Variants in PATL1 observed in about 807,000 individuals in gnomAD.
PATL1 encodes the protein PAT1 homolog 1, processing body mRNA decay factor.
Under a neutral mutation model 100.6 loss-of-function variants are expected in PATL1, and 32 were observed. The ratio of observed to expected loss-of-function variants is 0.32; its 90% confidence interval spans 0.24 to 0.43. The LOEUF (loss-of-function observed/expected upper bound fraction) is 0.43, where lower values mean the gene tolerates loss of function less well. Among genes scored for constraint, PATL1 ranks in the 20% least tolerant of loss-of-function variants. PATL1 has a pLI of 1.00. For missense variants in PATL1, 747 were observed against 949.9 expected, an observed-to-expected ratio of 0.79 and a Z score of 2.81; for synonymous variants, 332 against 330.0, an observed-to-expected ratio of 1.01 and a Z score of -0.07.
intron 16 of PATL1, among the ~76,000 whole-genome samples, chr11:59,642,183 TA>T (rs1355463476): frequency 6.6e-6 from 1 of 152,204 alleles, no homozygotes; most frequent in Non-Finnish European, 1.5e-5. Context: ...AGGGAAGGAC[TA>T]AAAATTCATA....
Position 59,655,677 on chromosome 11 carries a change from G to A in PATL1, c.877C>T (p.Leu293Phe), listed in dbSNP as rs183877144. 5.5e-3 allele frequency: 8,870 copies of A among 1,605,500 alleles called. 30 individuals carry two copies. Among genetic ancestry groups the A allele is most frequent in the Middle Eastern group, 0.015 (90 of 6,054 alleles). ...ARVPGFVGSP[L>F]AAMNPKLLQG... is the part of the protein sequence containing the mutation. ...AGCAACTTGGGATTCATGGCAGCAA[G>A]TGGACTACCAACAAATCCAGGGACC... is the stretch of plus-strand genomic sequence containing the variant. The change falls in exon 8 of 19, where the codon CTT (leucine) becomes TTT (phenylalanine). Residue 293 changes from leucine (L) to phenylalanine (F), a missense_variant. Leu to Phe is a conservative substitution (Grantham distance 22, BLOSUM62 0). Coordinates refer to ENST00000300146, the MANE Select transcript of PATL1 (RefSeq NM_152716.3).
chr11:59,655,448 G>C (rs1861514099), intron 8 of PATL1, 75 bp downstream of exon 8: 1 of 1,272,240 alleles, frequency 7.9e-7, no homozygotes, highest in South Asian at 1.6e-5. Context: ...AATATCAAGA[G>C]ACTTATAAAA....
At chr11:59,643,353 A>G (rs1304164564) in intron 15 of PATL1, among the ~76,000 whole-genome samples, 1 of 152,090 alleles carries the variant, frequency 6.6e-6, no homozygotes, top group Non-Finnish European at 1.5e-5. Flanking sequence ...ACACTACACC[A>G]TGGGCTAAAA....
At position 59,653,001 on chromosome 11, in the gene PATL1, T is replaced by C. The variant is rs767019714; in HGVS notation, c.1139A>G (p.Asn380Ser). The C allele has an allele frequency of 2.1e-5, 34 of 1,612,188 alleles. 1 individual carries two copies. Among genetic ancestry groups the C allele is most frequent in the East Asian group, 4.5e-5 (2 of 44,880 alleles). ...GTGACTTCCTCTATCTCCCGCACCA[T>C]TGAGATTCCGATGCTGACTGAAAAA... ...QQNRSQHRNLNGAGDRGSHRS... is the reference protein window; with the variant it reads ...QQNRSQHRNLSGAGDRGSHRS... The change falls in exon 10 of 19, where the codon AAT (asparagine) becomes AGT (serine). Residue 380 changes from asparagine to serine, a missense_variant. Asn to Ser is a conservative substitution (Grantham distance 46). Around this residue, in one of 4 missense-constraint regions of PATL1, gnomAD observed 434 missense variants for 596.1 expected, o/e 0.73. Transcript: ENST00000300146.
chr11:59,654,196 G>T, intron 8 of PATL1, 124 bp from the exon 9 acceptor site: 1 of 812,290 alleles, frequency 1.2e-6, no homozygotes, highest in Non-Finnish European at 2.0e-6. Context: ...GTCTATTCGG[G>T]ATGGGTGCGG....
In PATL1 at chr11:59,639,181, T is replaced by C; in HGVS notation, c.2158A>G (p.Met720Val). ...QNNQWTEVMFMATRELLRIPQ... is the reference protein window; with the variant it reads ...QNNQWTEVMFVATRELLRIPQ... ...ATCCGCAGAAGTTCTCGTGTTGCCA[T>C]GAACATCACCTCCGTCCTGACAGGG... The change falls in exon 18 of 19, where the codon ATG becomes GTG. Residue 720 changes from methionine (M) to valine (V), a missense_variant. Coordinates refer to ENST00000300146, the MANE Select transcript of PATL1 (RefSeq NM_152716.3). 1 of 1,613,956 alleles carries C rather than the reference T, an allele frequency of 6.2e-7. No homozygotes were observed. Among genetic ancestry groups the C allele is most frequent in the Non-Finnish European group, 8.5e-7 (1 of 1,179,876 alleles).
At chr11:59,658,749 C>T (rs900689469) in intron 4 of PATL1, 117 bp downstream of exon 4, 9 of 737,228 alleles carry the variant, frequency 1.2e-5, no homozygotes, top group South Asian at 1.9e-5. Context: ...ATGCAGTAGT[C>T]GACATAATTC....
In PATL1 at chr11:59,652,477, G is replaced by A. The variant is rs767659762; in HGVS notation, c.1413C>T (p.His471=). The A allele has an allele frequency of 1.7e-5, 28 of 1,612,936 alleles. No individual in the cohort carries two copies. Among genetic ancestry groups the A allele is most frequent in the African/African-American group, 4.0e-5 (3 of 74,836 alleles). The change falls in exon 11 of 19, where the codon CAC becomes CAT. Residue 471 remains histidine, a synonymous_variant. Coordinates refer to ENST00000300146, the MANE Select transcript of PATL1 (RefSeq NM_152716.3). ...TGAGGACCTTACCTGGCTTATAGGC[G>A]TGCTCCAGTTTGGCCACCTGAGGGG... ...LITPQVAKLE[H]AYKPVQFEGS...
chr11:59,642,727 G>T, intron 16 of PATL1, 153 bp downstream of exon 16: 1 of 796,304 alleles, frequency 1.3e-6, no homozygotes. Context: ...TGAAAACACT[G>T]TTATTTCTAG....
rs576516598 is a variant in PATL1 at position 59,652,720 on chromosome 11, T to C, written c.1302+118A>G. On this transcript the variant is annotated intron_variant, in intron 10 of 18. Transcript: ENST00000300146. ...TATACTGATAGTGAATAGTGCAAGA[T>C]GCTAAGTACCTCAAAAGAAAATTTT... 19 of 1,501,928 alleles carry C rather than the reference T, an allele frequency of 1.3e-5. No homozygotes were observed. In the Admixed American group the frequency reaches 1.4e-4, roughly 11 times the overall value. The allele number at this position is 1,501,928 out of a possible 1,614,324, so 93.0% of individuals were successfully genotyped here.
chr11:59,649,751 A>C, intron 13 of PATL1, 141 bp from the exon 14 acceptor site: 1 of 876,200 alleles, frequency 1.1e-6, no homozygotes, highest in Non-Finnish European at 1.7e-6. Flanking sequence ...TAATGTAGAA[A>C]ACCATATGAA....
At chr11:59,663,104 G>T (rs1038898707) in intron 2 of PATL1, among the ~76,000 whole-genome samples, 1 of 152,028 alleles carries the variant, frequency 6.6e-6, no homozygotes, top group African/African-American at 2.4e-5. Flanking sequence ...TAAAAATATA[G>T]TTACTTAGAT....
intron 4 of PATL1, among the ~76,000 whole-genome samples, chr11:59,658,174 A>AAAAG (rs113441254): frequency 0.16 from 24,360 of 150,446 alleles, 3,609 homozygotes; most frequent in African/African-American, 0.39. Context: ...AAAAAAAAAA[A>AAAAG]AAAGAAAGAA....
In PATL1 at chr11:59,638,385, A is replaced by T. The variant is rs774173882; in HGVS notation, c.*5T>A. On this transcript the variant is annotated 3_prime_UTR_variant, in exon 19 of 19. Transcript: ENST00000300146. The stretch of plus-strand genomic sequence containing the variant: ...AAGGAGGTACAGGACACATTTGGAG[A>T]TCTTTTATCGTATCCCCTGAACTAG... The T allele has an allele frequency of 5.6e-6, 9 of 1,612,392 alleles. No individual in the cohort carries two copies. Among genetic ancestry groups the T allele is most frequent in the South Asian group, 1.1e-5 (1 of 90,732 alleles).
rs1428889755 is a variant in PATL1, at chr11:59,652,822, A to G, written c.1302+16T>C. On this transcript the variant is annotated intron_variant, in intron 10 of 18. Transcript: ENST00000300146. ...GGACCAAACTATTATCCTCAAAACT[A>G]GCACAGAGTATTTACCTGGTAATAA... 6.2e-7 allele frequency: 1 copy of G among 1,609,932 alleles called. No individual in the cohort carries two copies. Among genetic ancestry groups the G allele is most frequent in the Admixed American group, 1.7e-5 (1 of 59,918 alleles).
intron 11 of PATL1, 136 bp downstream of exon 11, chr11:59,652,328 A>T: frequency 7.8e-7 from 1 of 1,281,920 alleles, no homozygotes; most frequent in Non-Finnish European, 1.0e-6. Flanking sequence ...TGCATTTATT[A>T]AGAACAATGG....
chr11:59,639,608 A>T, intron 16 of PATL1: 1 of 466,676 alleles, frequency 2.1e-6, no homozygotes, highest in Non-Finnish European at 3.8e-6. Flanking sequence ...CAGCCAACAG[A>T]AACGGAAAGT....
At chr11:59,668,214 G>C (rs376799007) in intron 1 of PATL1, among the ~76,000 whole-genome samples, 1 of 152,216 alleles carries the variant, frequency 6.6e-6, no homozygotes, top group Admixed American at 6.5e-5. Context: ...GAGATTAGGA[G>C]TCACTCAAGG....
intron 15 of PATL1, among the ~76,000 whole-genome samples, chr11:59,646,315 G>A (rs1861365413): frequency 6.9e-6 from 1 of 145,892 alleles, no homozygotes; most frequent in African/African-American, 2.5e-5. Flanking sequence ...TGGGACCACA[G>A]GCATATACTA....
Sources: gnomAD v4.1 joint callset for allele counts (sites outside exome capture counted in the v4.1 genomes callset) on GRCh38, gnomAD v4.1.1 for gene constraint, gnomAD v4.1.1 regional missense constraint, MANE v1.5 for transcripts, NCBI Gene and HGNC (gene_info 2026-07-23, HGNC 2026-07-21) for gene names.